Variants in RPSA2 observed in about 807,000 individuals in gnomAD.
RPSA2 encodes the protein ribosomal protein SA 2.
At chr19:23,807,229 T>C in the RPSA2 span, among the ~76,000 whole-genome samples, 1 of 152,232 alleles carries the variant, frequency 6.6e-6, no homozygotes, top group Admixed American at 6.5e-5. Context: ...AGCTCTCATC[T>C]TTGTTTACAG....
the RPSA2 span, among the ~76,000 whole-genome samples, chr19:23,802,403 G>A: frequency 6.6e-6 from 1 of 152,160 alleles, no homozygotes; most frequent in Non-Finnish European, 1.5e-5. Context: ...TTTCTTTTTA[G>A]AATCAGCCTG....
At chr19:23,825,902 T>A in the RPSA2 span, among the ~76,000 whole-genome samples, 151 of 152,260 alleles carry the variant, frequency 9.9e-4, no homozygotes, top group African/African-American at 3.2e-3. Flanking sequence ...AAAATTTTTA[T>A]AATTTCAACA....
chr19:23,823,463 A>G, the RPSA2 span, among the ~76,000 whole-genome samples: 4 of 152,088 alleles, frequency 2.6e-5, no homozygotes, highest in Admixed American at 6.5e-5. Flanking sequence ...CACAGTCTAT[A>G]CTAAGAGAGC....
the RPSA2 span, among the ~76,000 whole-genome samples, chr19:23,870,302 T>A: frequency 1.3e-5 from 2 of 152,200 alleles, no homozygotes; most frequent in Non-Finnish European, 2.9e-5. Flanking sequence ...CAGAGTAAAA[T>A]TAACACTGAG....
At chr19:23,760,812 G>A in the RPSA2 span, among the ~76,000 whole-genome samples, 1 of 150,840 alleles carries the variant, frequency 6.6e-6, no homozygotes, top group Non-Finnish European at 1.5e-5. Flanking sequence ...TTACAGATGC[G>A]TGCCACCACA....
At chr19:23,780,757 C>A in the RPSA2 span, among the ~76,000 whole-genome samples, 1 of 152,222 alleles carries the variant, frequency 6.6e-6, no homozygotes, top group Non-Finnish European at 1.5e-5. Context: ...GTTCTCAGAG[C>A]AGGTTGCAAC....
At chr19:23,866,319 T>A in the RPSA2 span, among the ~76,000 whole-genome samples, 3 of 152,216 alleles carry the variant, frequency 2.0e-5, no homozygotes, top group Non-Finnish European at 4.4e-5. Flanking sequence ...ATGCTTACCA[T>A]AGCTCTAGCC....
chr19:23,857,485 C>CTTTTTTTTT, the RPSA2 span, among the ~76,000 whole-genome samples: 15 of 95,256 alleles, frequency 1.6e-4, no homozygotes, highest in East Asian at 3.5e-4. Flanking sequence ...TTTTTAAAGT[C>CTTTTTTTTT]TTTTTTTTTT....
At chr19:23,777,457 A>C in the RPSA2 span, among the ~76,000 whole-genome samples, 1 of 152,124 alleles carries the variant, frequency 6.6e-6, no homozygotes, top group Non-Finnish European at 1.5e-5. Flanking sequence ...ATATCCCTGG[A>C]CTTGGCACTT....
At chr19:23,827,915 G>A in the RPSA2 span, 1 of 904,634 alleles carries the variant, frequency 1.1e-6, no homozygotes, top group East Asian at 2.6e-5. Context: ...GTCTGAAGGT[G>A]TACAGGTGCC....
chr19:23,769,643 C>T, the RPSA2 span, among the ~76,000 whole-genome samples: 3 of 152,110 alleles, frequency 2.0e-5, no homozygotes, highest in Non-Finnish European at 2.9e-5. Context: ...GATGCCCGGC[C>T]GATGTGTCTC....
the RPSA2 span, chr19:23,827,093 G>T: frequency 1.3e-6 from 1 of 742,374 alleles, no homozygotes; most frequent in Non-Finnish European, 2.4e-6. Flanking sequence ...GCTTTTCCGC[G>T]CTACCTGCAG....
the RPSA2 span, among the ~76,000 whole-genome samples, chr19:23,761,901 AT>A: frequency 8.8e-5 from 3 of 34,028 alleles, 1 homozygote; most frequent in East Asian, 3.2e-3. Context: ...GGGTAACGTA[AT>A]TCTTTCTTTC....
chr19:23,833,042 G>A, the RPSA2 span: 1 of 1,366,588 alleles, frequency 7.3e-7, no homozygotes, highest in Non-Finnish European at 9.6e-7. Flanking sequence ...ATTCATACTG[G>A]AAAGAAACCC....
At chr19:23,807,072 T>C in the RPSA2 span, among the ~76,000 whole-genome samples, 1 of 152,210 alleles carries the variant, frequency 6.6e-6, no homozygotes, top group South Asian at 2.1e-4. Context: ...ATAAACTCTC[T>C]TACAGATTTT....
At chr19:23,852,345 GACACAC>G in the RPSA2 span, among the ~76,000 whole-genome samples, 7 of 151,576 alleles carry the variant, frequency 4.6e-5, no homozygotes, top group South Asian at 2.1e-4. Flanking sequence ...AGGAATTAAA[GACACAC>G]ACACACACAC....
chr19:23,867,571 C>T, the RPSA2 span, among the ~76,000 whole-genome samples: 1 of 152,178 alleles, frequency 6.6e-6, no homozygotes. Context: ...TGGCTCACGC[C>T]TGTAATCCCA....
chr19:23,819,986 T>C, the RPSA2 span, among the ~76,000 whole-genome samples: 1 of 152,224 alleles, frequency 6.6e-6, no homozygotes, highest in Non-Finnish European at 1.5e-5. Flanking sequence ...AATCCAGGGA[T>C]AATGTCTCTT....
the RPSA2 span, among the ~76,000 whole-genome samples, chr19:23,822,564 C>A: frequency 1.3e-5 from 2 of 152,088 alleles, no homozygotes; most frequent in African/African-American, 4.8e-5. Flanking sequence ...AGTCTGTTGC[C>A]CCCCTTGGAC....
Sources: gnomAD v4.1 joint callset for allele counts (sites outside exome capture counted in the v4.1 genomes callset) on GRCh38, gnomAD v4.1.1 for gene constraint, MANE v1.5 for transcripts, NCBI Gene and HGNC (gene_info 2026-07-23, HGNC 2026-07-21) for gene names.